SLC44A5: variants seen among roughly 807,000 people sequenced by gnomAD.
SLC44A5 encodes choline transporter-like protein 5.
SLC44A5 carries 57 observed loss-of-function variants against 101.8 expected under a neutral mutation model. The ratio of observed to expected loss-of-function variants is 0.56; its 90% CI spans 0.45 to 0.70. The LOEUF (loss-of-function observed/expected upper bound fraction) is 0.70, where lower values mean the gene tolerates loss of function less well. Ranked by LOEUF, SLC44A5 falls within the 30% of genes least tolerant of loss-of-function variation. SLC44A5 has a pLI of 0.00. For synonymous variants in SLC44A5, 281 were observed against 290.9 expected (o/e 0.97, Z 0.35); for missense variants, 737 against 853.1 (o/e 0.86, Z 1.70).
chr1:75,595,378 A>G (rs1325709312), intron 1 of SLC44A5, among the ~76,000 whole-genome samples: 2 of 152,126 alleles, frequency 1.3e-5, no homozygotes, highest in Non-Finnish European at 2.9e-5. Flanking sequence ...CAATATTTCA[A>G]AAACATCTCA....
At chr1:75,599,924 A>G (rs901167643) in intron 1 of SLC44A5, among the ~76,000 whole-genome samples, 7 of 152,164 alleles carry the variant, frequency 4.6e-5, no homozygotes, top group African/African-American at 1.7e-4. Context: ...GTAGCCAATG[A>G]AAAGCCATTA....
At chr1:75,333,734 G>C (rs1657231309) in intron 4 of SLC44A5, among the ~76,000 whole-genome samples, 1 of 152,028 alleles carries the variant, frequency 6.6e-6, no homozygotes, top group East Asian at 1.9e-4. Context: ...ATTGATGAGG[G>C]CTCTGGAAAA....
chr1:75,575,246 C>G (rs72684176), intron 1 of SLC44A5, among the ~76,000 whole-genome samples: 20,500 of 152,194 alleles, frequency 0.13, 1,886 homozygotes, highest in Non-Finnish European at 0.2. Flanking sequence ...ATGCTTCCCC[C>G]ACATGTGTCA....
chr1:75,459,756 A>G (rs568919644), intron 2 of SLC44A5, among the ~76,000 whole-genome samples: 22 of 152,230 alleles, frequency 1.4e-4, no homozygotes, highest in Non-Finnish European at 2.4e-4. Flanking sequence ...TAGTCTGTAA[A>G]GCATCTAGAA....
At chr1:75,688,478 C>T in the SLC44A5 span, among the ~76,000 whole-genome samples, 3 of 141,760 alleles carry the variant, frequency 2.1e-5, no homozygotes, top group Non-Finnish European at 3.2e-5. Flanking sequence ...GATGTCCTTT[C>T]GAGGTCCTTC....
intron 1 of SLC44A5, among the ~76,000 whole-genome samples, chr1:75,577,907 T>C (rs962765353): frequency 2.6e-5 from 4 of 152,188 alleles, no homozygotes; most frequent in Non-Finnish European, 5.9e-5. Flanking sequence ...TTCATTTATG[T>C]AATTTCTCCT....
At chr1:75,422,706 C>A (rs1664082627) in intron 2 of SLC44A5, among the ~76,000 whole-genome samples, 1 of 152,174 alleles carries the variant, frequency 6.6e-6, no homozygotes, top group Admixed American at 6.5e-5. Flanking sequence ...TTGCAAAAAA[C>A]CTTGATTGCA....
chr1:75,290,651 T>C (rs183100329), intron 5 of SLC44A5, among the ~76,000 whole-genome samples: 1 of 152,086 alleles, frequency 6.6e-6, no homozygotes, highest in East Asian at 1.9e-4. Flanking sequence ...TCTCACAAAA[T>C]TGGAAGCCAG....
chr1:75,324,931 TCTCA>T (rs1434389482), intron 4 of SLC44A5, among the ~76,000 whole-genome samples: 1 of 152,154 alleles, frequency 6.6e-6, no homozygotes, highest in Non-Finnish European at 1.5e-5. Flanking sequence ...GTTAAAGTGC[TCTCA>T]CTATTTTTTA....
chr1:75,312,682 A>G (rs575548469), intron 4 of SLC44A5, among the ~76,000 whole-genome samples: 2 of 150,332 alleles, frequency 1.3e-5, no homozygotes, highest in Non-Finnish European at 3.0e-5. Flanking sequence ...AATAATATGT[A>G]TAATCTATTC....
chr1:75,670,603 C>A, the SLC44A5 span, among the ~76,000 whole-genome samples: 1 of 152,034 alleles, frequency 6.6e-6, no homozygotes, highest in Admixed American at 6.6e-5. Flanking sequence ...TAGACTGTCC[C>A]AACTTCTAGA....
intron 2 of SLC44A5, among the ~76,000 whole-genome samples, chr1:75,482,468 A>G (rs1418031483): frequency 6.6e-6 from 1 of 152,074 alleles, no homozygotes; most frequent in East Asian, 1.9e-4. Context: ...TATTAACCAA[A>G]ATACTGAATA....
chr1:75,461,953 G>A lies in SLC44A5; in HGVS notation c.14-65332C>T, dbSNP rs185190367. On this transcript the variant is annotated intron_variant, in intron 2 of 23. Coordinates refer to ENST00000370859, the MANE Select transcript of SLC44A5 (RefSeq NM_001130058.2). ...CACCTATGGACCCTCCTGGGTCCTG[G>A]AGAAAATCACAATCCTGCAGGGAAG... Among the ~76,000 whole-genome samples, 4 of 152,338 alleles carry A rather than the reference G, an allele frequency of 2.6e-5. No homozygotes were observed. The East Asian group carries it at 5.8e-4, about 22-fold the overall frequency.
At chr1:75,388,772 C>A (rs1661580742) in intron 3 of SLC44A5, among the ~76,000 whole-genome samples, 1 of 150,878 alleles carries the variant, frequency 6.6e-6, no homozygotes, top group South Asian at 2.1e-4. Context: ...GAGCGAGACT[C>A]CGTCTAAAAA....
chr1:75,678,497 G>C, the SLC44A5 span, among the ~76,000 whole-genome samples: 2 of 151,112 alleles, frequency 1.3e-5, no homozygotes, highest in Non-Finnish European at 3.0e-5. Flanking sequence ...CTCCAGCAGG[G>C]GCACACTGAC....
At chr1:75,278,343 C>A (rs1271843822) in intron 5 of SLC44A5, among the ~76,000 whole-genome samples, 1 of 151,940 alleles carries the variant, frequency 6.6e-6, no homozygotes, top group African/African-American at 2.4e-5. Context: ...TATATTTCTC[C>A]TGGACAGATC....
intron 4 of SLC44A5, among the ~76,000 whole-genome samples, chr1:75,316,348 C>T (rs1469157662): frequency 6.6e-6 from 1 of 152,176 alleles, no homozygotes; most frequent in Non-Finnish European, 1.5e-5. Context: ...CTCTCTCACC[C>T]TTAAAACTTG....
chr1:75,664,321 G>T, the SLC44A5 span, among the ~76,000 whole-genome samples: 5 of 152,078 alleles, frequency 3.3e-5, no homozygotes, highest in Admixed American at 6.6e-5. Context: ...GAGCAATCAG[G>T]CAAGAAAAAG....
At chr1:75,472,629 C>T (rs1322608772) in intron 2 of SLC44A5, among the ~76,000 whole-genome samples, 1 of 152,122 alleles carries the variant, frequency 6.6e-6, no homozygotes, top group African/African-American at 2.4e-5. Flanking sequence ...TTTTTCTAGG[C>T]TTATAAAATA....
Sources: allele counts gnomAD v4.1 joint callset (sites outside exome capture counted in the v4.1 genomes callset), GRCh38; gene constraint gnomAD v4.1.1; transcripts MANE v1.5; gene names NCBI Gene and HGNC (gene_info 2026-07-23, HGNC 2026-07-21).